The following TENM3 variants were observed in gnomAD, a reference collection of about 807,000 sequenced individuals.
The protein encoded by TENM3 is teneurin transmembrane protein 3.
Under a neutral mutation model 255.1 loss-of-function variants are expected in TENM3, and 63 were observed. The observed-to-expected ratio is 0.25, with a 90% CI of 0.20 to 0.30. The LOEUF is 0.30. TENM3 is among the 10% of genes least tolerant of loss of function. The pLI, the probability that TENM3 is intolerant of heterozygous loss-of-function variation, is 1.00. For synonymous variants in TENM3, 1,306 were observed against 1,322.3 expected (o/e 0.99, Z 0.27); for missense variants, 2,929 against 3,461.1 (o/e 0.85, Z 3.86).
chr4:182,463,510 G>T, intron 3 of TENM3, among the ~76,000 whole-genome samples: 1 of 151,144 alleles, frequency 6.6e-6, no homozygotes, highest in Admixed American at 6.6e-5. Context: ...TCACTCTGTC[G>T]CCCAGGCTGG....
At chr4:182,777,809 C>T (rs537293414) in intron 24 of TENM3, among the ~76,000 whole-genome samples, 2 of 149,048 alleles carry the variant, frequency 1.3e-5, no homozygotes, top group African/African-American at 4.9e-5. Context: ...CTGCCCGCCT[C>T]GGCCTCCCAA....
the TENM3 span, among the ~76,000 whole-genome samples, chr4:181,553,345 C>T: frequency 6.6e-6 from 1 of 151,234 alleles, no homozygotes; most frequent in African/African-American, 2.4e-5. Flanking sequence ...TACACACACA[C>T]ACACACATAT....
chr4:182,030,005 TTTC>T, the TENM3 span, among the ~76,000 whole-genome samples: 1,658 of 69,188 alleles, frequency 0.024, 99 homozygotes, highest in Middle Eastern at 0.05. Context: ...CTCTCCTTTT[TTTC>T]TTTTTTTTTT....
At chr4:182,765,547 T>C (rs1188500352) in intron 22 of TENM3, among the ~76,000 whole-genome samples, 1 of 152,254 alleles carries the variant, frequency 6.6e-6, no homozygotes, top group Non-Finnish European at 1.5e-5. Flanking sequence ...GTTCATTTTC[T>C]CTCTTAAAGC....
chr4:182,631,103 A>T (rs12512722), intron 5 of TENM3, among the ~76,000 whole-genome samples: 21,820 of 151,890 alleles, frequency 0.14, 2,433 homozygotes, highest in East Asian at 0.46. Flanking sequence ...TTTACTTTTT[A>T]GTAATTACCA....
At chr4:182,118,092 T>C in the TENM3 span, among the ~76,000 whole-genome samples, 1 of 152,184 alleles carries the variant, frequency 6.6e-6, no homozygotes, top group Non-Finnish European at 1.5e-5. Flanking sequence ...TTTTTGCATA[T>C]TAAACTTGTT....
At chr4:181,478,017 T>C in the TENM3 span, among the ~76,000 whole-genome samples, 1 of 152,168 alleles carries the variant, frequency 6.6e-6, no homozygotes, top group Non-Finnish European at 1.5e-5. Context: ...ATGAATTGGA[T>C]TATATGAAAA....
At chr4:182,611,065 C>G (rs937504105) in intron 4 of TENM3, among the ~76,000 whole-genome samples, 2 of 151,816 alleles carry the variant, frequency 1.3e-5, no homozygotes, top group African/African-American at 4.8e-5. Flanking sequence ...TTTTTAAGGC[C>G]CATTGAGATT....
intron 3 of TENM3, among the ~76,000 whole-genome samples, chr4:182,569,836 A>G (rs928000618): frequency 1.3e-5 from 2 of 152,050 alleles, no homozygotes; most frequent in South Asian, 2.1e-4. Context: ...AAGCCAGACA[A>G]TTGGAGTCTA....
the TENM3 span, among the ~76,000 whole-genome samples, chr4:181,581,207 G>A: frequency 3.9e-5 from 6 of 152,294 alleles, no homozygotes; most frequent in East Asian, 3.9e-4. Flanking sequence ...TTGGGAGGCC[G>A]AGGCTGGTGG....
At chr4:181,571,990 C>G in the TENM3 span, among the ~76,000 whole-genome samples, 12 of 152,130 alleles carry the variant, frequency 7.9e-5, no homozygotes, top group Admixed American at 6.5e-4. Flanking sequence ...TATATTGGCT[C>G]AAATAAGAAG....
chr4:182,207,527 T>C (rs1419154470), intron 1 of TENM3, among the ~76,000 whole-genome samples: 1 of 152,202 alleles, frequency 6.6e-6, no homozygotes, highest in African/African-American at 2.4e-5. Context: ...TTATTAAAAT[T>C]ATAGCTGATG....
chr4:181,739,341 A>G, the TENM3 span, among the ~76,000 whole-genome samples: 1 of 152,248 alleles, frequency 6.6e-6, no homozygotes, highest in Admixed American at 6.5e-5. Context: ...AATGTCACAG[A>G]TGACTGAGAA....
At chr4:181,877,584 T>G in the TENM3 span, among the ~76,000 whole-genome samples, 1 of 152,154 alleles carries the variant, frequency 6.6e-6, no homozygotes, top group African/African-American at 2.4e-5. Context: ...ATTTTCTCAC[T>G]TAAGGCAAAT....
chr4:181,657,810 AAAAAC>A, the TENM3 span, among the ~76,000 whole-genome samples: 1 of 152,204 alleles, frequency 6.6e-6, no homozygotes, highest in Non-Finnish European at 1.5e-5. Flanking sequence ...ATATAAAAAA[AAAAAC>A]AAATCTATGT....
chr4:182,410,094 T>G (rs1769880169), intron 3 of TENM3, among the ~76,000 whole-genome samples: 1 of 152,212 alleles, frequency 6.6e-6, no homozygotes. Flanking sequence ...CCCAAAGTGC[T>G]GGGGTTACAG....
At chr4:181,646,616 G>A in the TENM3 span, among the ~76,000 whole-genome samples, 1 of 152,108 alleles carries the variant, frequency 6.6e-6, no homozygotes, top group Admixed American at 6.6e-5. Flanking sequence ...AAGGCAGAAG[G>A]CATTATCTAT....
intron 12 of TENM3, among the ~76,000 whole-genome samples, chr4:182,710,894 A>C (rs967474412): frequency 6.6e-6 from 1 of 152,204 alleles, no homozygotes; most frequent in Non-Finnish European, 1.5e-5. Context: ...GGACAGGGGC[A>C]GGTACAGGTA....
chr4:181,539,659 G>A, the TENM3 span, among the ~76,000 whole-genome samples: 135 of 152,218 alleles, frequency 8.9e-4, 1 homozygote, highest in Middle Eastern at 3.5e-3. Flanking sequence ...TTAGAAGTAG[G>A]CAAATAATTG....
Sources: allele counts gnomAD v4.1 joint callset (sites outside exome capture counted in the v4.1 genomes callset), GRCh38; gene constraint gnomAD v4.1.1; transcripts MANE v1.5; gene names NCBI Gene and HGNC (gene_info 2026-07-23, HGNC 2026-07-21).